Variants in FGD4 observed in about 807,000 individuals in gnomAD.
FGD4 encodes FYVE, RhoGEF and PH domain-containing protein 4.
A neutral mutation model predicts 102.0 loss-of-function variants in FGD4; 42 were observed. The ratio of observed to expected loss-of-function variants is 0.41; its 90% CI spans 0.32 to 0.53. The LOEUF is 0.53. FGD4 is among the 20% of genes least tolerant of loss of function. The probability of loss-of-function intolerance (pLI) is 0.21; values close to 1 mark genes in which losing one functional copy is unlikely to be tolerated. For synonymous variants in FGD4, 380 were observed against 375.7 expected (o/e 1.01, Z -0.13); for missense variants, 902 against 1,078.2 (o/e 0.84, Z 2.29).
chr12:32,474,385 T>A (rs1266475829), intron 1 of FGD4, among the ~76,000 whole-genome samples: 2 of 152,200 alleles, frequency 1.3e-5, no homozygotes, highest in East Asian at 3.8e-4. Flanking sequence ...AAAAGTGATA[T>A]GCCTGTATAC....
chr12:32,452,162 A>G (rs149957980), intron 1 of FGD4, among the ~76,000 whole-genome samples: 23 of 152,012 alleles, frequency 1.5e-4, no homozygotes, highest in Admixed American at 8.5e-4. Flanking sequence ...AGTCTATTCT[A>G]CTGAAGTAAC....
intron 1 of FGD4, among the ~76,000 whole-genome samples, chr12:32,471,828 C>T (rs140137235): frequency 7.2e-5 from 11 of 152,068 alleles, no homozygotes; most frequent in African/African-American, 2.4e-4. Context: ...AGGACTAGGC[C>T]CAGAACCAGC....
chr12:32,540,137 A>G (rs1942686141), intron 1 of FGD4, among the ~76,000 whole-genome samples: 1 of 152,222 alleles, frequency 6.6e-6, no homozygotes, highest in Non-Finnish European at 1.5e-5. Context: ...GGGTTAGGAA[A>G]TGTAACTGTA....
At chr12:32,520,676 T>G (rs946905837) in intron 1 of FGD4, among the ~76,000 whole-genome samples, 1 of 152,096 alleles carries the variant, frequency 6.6e-6, no homozygotes, top group African/African-American at 2.4e-5. Flanking sequence ...GACCTCGTGA[T>G]CCACCCGCCT....
At position 32,601,331 on chromosome 12, in the gene FGD4, G is replaced by T. The variant is rs1948410498; in HGVS notation, c.1155G>T (p.Glu385Asp). 1 of 1,614,166 alleles carries T rather than the reference G, an allele frequency of 6.2e-7. No homozygotes were observed. The highest frequency in any genetic ancestry group is 8.5e-7 in the Non-Finnish European group (1 of 1,180,024). ...CAAACCGAGGCTCGTTTCCAGCAGAGATGGTGAATAAAATCTTTTCTAATA... is the reference window on the plus strand; with the variant it reads ...CAAACCGAGGCTCGTTTCCAGCAGATATGGTGAATAAAATCTTTTCTAATA... Reference protein sequence around the residue: ...EEANRGSFPAEMVNKIFSNIS... With the variant: ...EEANRGSFPADMVNKIFSNIS... The change falls in exon 6 of 17, where the codon GAG becomes GAT. Residue 385 changes from glutamate (E) to aspartate (D), a missense_variant. This residue lies in a region of FGD4 where 459 missense variants were observed against 619.0 expected (regional missense o/e 0.74). Transcript: ENST00000534526.
intron 2 of FGD4, among the ~76,000 whole-genome samples, chr12:32,567,415 TC>T (rs552931597): frequency 6.6e-6 from 1 of 151,980 alleles, no homozygotes; most frequent in Non-Finnish European, 1.5e-5. Context: ...TTGCATATCC[TC>T]CCCCGACAAT....
At chr12:32,482,455 C>T (rs757660897) in intron 1 of FGD4, among the ~76,000 whole-genome samples, 1 of 152,132 alleles carries the variant, frequency 6.6e-6, no homozygotes, top group Non-Finnish European at 1.5e-5. Flanking sequence ...ATTTCTGGCT[C>T]GAAGTGACCT....
chr12:32,408,294 G>A (rs888952113), intron 1 of FGD4, among the ~76,000 whole-genome samples: 3 of 151,262 alleles, frequency 2.0e-5, no homozygotes, highest in African/African-American at 7.3e-5. Flanking sequence ...TCAGCCTCCC[G>A]AGTAGCTGGG....
intron 5 of FGD4, among the ~76,000 whole-genome samples, chr12:32,600,029 T>C (rs1254969040): frequency 1.3e-5 from 2 of 152,216 alleles, no homozygotes; most frequent in African/African-American, 2.4e-5. Context: ...TACCTCCTTA[T>C]CATTAGTTCC....
chr12:32,585,963 C>T (rs1435815940), intron 4 of FGD4, among the ~76,000 whole-genome samples: 3 of 151,066 alleles, frequency 2.0e-5, no homozygotes, highest in South Asian at 2.1e-4. Flanking sequence ...TGGGAGATTG[C>T]TGGGTGAGAT....
chr12:32,531,172 A>G (rs887977053), intron 1 of FGD4, among the ~76,000 whole-genome samples: 2 of 151,532 alleles, frequency 1.3e-5, no homozygotes, highest in African/African-American at 2.4e-5. Context: ...GATGGTCTCG[A>G]TCTCTTGACC....
chr12:32,552,859 C>T (rs1025731163), intron 1 of FGD4, among the ~76,000 whole-genome samples: 5 of 151,428 alleles, frequency 3.3e-5, no homozygotes, highest in African/African-American at 1.2e-4. Context: ...CTCACCGCAA[C>T]CTCCACCTCC....
At chr12:32,513,653 A>G (rs952058147) in intron 1 of FGD4, among the ~76,000 whole-genome samples, 2 of 152,226 alleles carry the variant, frequency 1.3e-5, no homozygotes, top group African/African-American at 4.8e-5. Flanking sequence ...GAGAAATTGT[A>G]GGAGTAAAAG....
At chr12:32,525,405 T>C (rs1941038638) in intron 1 of FGD4, among the ~76,000 whole-genome samples, 1 of 152,264 alleles carries the variant, frequency 6.6e-6, no homozygotes. Context: ...GTAACTGGAA[T>C]TGTACTTTAT....
chr12:32,561,083 T>G (rs1191234472), intron 1 of FGD4, among the ~76,000 whole-genome samples: 7 of 117,884 alleles, frequency 5.9e-5, no homozygotes, highest in South Asian at 3.3e-4. Flanking sequence ...TTGTTTTTTT[T>G]TTTTTTTTTT....
intron 3 of FGD4, among the ~76,000 whole-genome samples, chr12:32,580,134 G>C (rs1449941975): frequency 6.6e-6 from 1 of 152,098 alleles, no homozygotes; most frequent in African/African-American, 2.4e-5. Context: ...TCATAACTTG[G>C]GGTGAAGACC....
intron 1 of FGD4, among the ~76,000 whole-genome samples, chr12:32,548,302 G>T (rs537078433): frequency 6.6e-6 from 1 of 152,134 alleles, no homozygotes; most frequent in Non-Finnish European, 1.5e-5. Context: ...TGTTTTGTCC[G>T]ATCTTAGAGT....
intron 3 of FGD4, among the ~76,000 whole-genome samples, chr12:32,577,143 T>C (rs1173885108): frequency 6.6e-6 from 1 of 152,078 alleles, no homozygotes; most frequent in Non-Finnish European, 1.5e-5. Context: ...CCCACATAAG[T>C]TGCTTTTCTC....
At chr12:32,473,635 C>G (rs903501903) in intron 1 of FGD4, among the ~76,000 whole-genome samples, 2 of 152,148 alleles carry the variant, frequency 1.3e-5, no homozygotes, top group Non-Finnish European at 2.9e-5. Context: ...ACCAAGAACC[C>G]ACCAATTCCG....
Sources: gnomAD v4.1 joint callset for allele counts (sites outside exome capture counted in the v4.1 genomes callset) on GRCh38, gnomAD v4.1.1 for gene constraint, gnomAD v4.1.1 regional missense constraint, MANE v1.5 for transcripts, NCBI Gene and HGNC (gene_info 2026-07-23, HGNC 2026-07-21) for gene names.